The following EXT1 variants were observed in gnomAD, a reference collection of about 807,000 sequenced individuals.
EXT1 encodes exostosin-1.
In EXT1, 20 loss-of-function variants were observed where a neutral mutation model predicts 82.5. That is an observed-to-expected ratio of 0.24 (90% CI 0.17 to 0.35). The LOEUF is 0.35. Ranked by LOEUF, EXT1 falls within the 10% of genes least tolerant of loss-of-function variation. EXT1 has a pLI of 1.00. For synonymous variants in EXT1, 348 were observed against 350.8 expected (o/e 0.99, Z 0.09); for missense variants, 757 against 936.5 (o/e 0.81, Z 2.50).
At chr8:117,801,492 AG>A (rs1254015571) in intron 10 of EXT1, among the ~76,000 whole-genome samples, 2 of 151,928 alleles carry the variant, frequency 1.3e-5, no homozygotes, top group Non-Finnish European at 2.9e-5. Context: ...AATGGATATG[AG>A]TTTGTGGGCC....
At chr8:118,108,906 C>T (rs945031175) in intron 1 of EXT1, among the ~76,000 whole-genome samples, 4 of 152,186 alleles carry the variant, frequency 2.6e-5, no homozygotes, top group Non-Finnish European at 4.4e-5. Flanking sequence ...GCCAGTTCCT[C>T]TTGTACTCAG....
At chr8:117,864,209 A>C (rs914260870) in intron 1 of EXT1, among the ~76,000 whole-genome samples, 6 of 152,240 alleles carry the variant, frequency 3.9e-5, no homozygotes, top group African/African-American at 1.4e-4. Flanking sequence ...ATTTTTAAAA[A>C]GACTTCATTC....
At chr8:118,098,976 A>C (rs1456982898) in intron 1 of EXT1, among the ~76,000 whole-genome samples, 1 of 150,414 alleles carries the variant, frequency 6.6e-6, no homozygotes, top group Non-Finnish European at 1.5e-5. Flanking sequence ...TTTCAAATGG[A>C]GATCTTACTC....
chr8:117,919,119 A>G (rs1813808058), intron 1 of EXT1, among the ~76,000 whole-genome samples: 1 of 152,214 alleles, frequency 6.6e-6, no homozygotes, highest in South Asian at 2.1e-4. Flanking sequence ...TTACAGAAAA[A>G]TAGCAAAATA....
At chr8:117,822,425 A>G (rs1458963794) in intron 5 of EXT1, 40 bp downstream of exon 5, 1 of 1,608,968 alleles carries the variant, frequency 6.2e-7, no homozygotes, top group African/African-American at 1.3e-5. Flanking sequence ...TGACATCTTC[A>G]GGGTAAACAA....
At chr8:117,910,823 C>A (rs1813633508) in intron 1 of EXT1, among the ~76,000 whole-genome samples, 1 of 152,214 alleles carries the variant, frequency 6.6e-6, no homozygotes, top group South Asian at 2.1e-4. Context: ...TGATCCTGAA[C>A]TGGAGAAACA....
intron 1 of EXT1, among the ~76,000 whole-genome samples, chr8:118,023,778 A>G (rs1055803864): frequency 6.6e-6 from 1 of 152,278 alleles, no homozygotes; most frequent in African/African-American, 2.4e-5. Flanking sequence ...AACAGCAGGT[A>G]ATACATATCC....
chr8:117,998,618 G>A (rs17431208), intron 1 of EXT1, among the ~76,000 whole-genome samples: 1 of 152,174 alleles, frequency 6.6e-6, no homozygotes, highest in African/African-American at 2.4e-5. Context: ...GGAGGAATTT[G>A]CCTCTTTTGG....
intron 1 of EXT1, among the ~76,000 whole-genome samples, chr8:118,049,670 T>C (rs1024180676): frequency 6.6e-6 from 1 of 152,240 alleles, no homozygotes; most frequent in African/African-American, 2.4e-5. Context: ...CTGTTTGCTG[T>C]TCTTGCTAAG....
intron 1 of EXT1, among the ~76,000 whole-genome samples, chr8:118,024,002 T>G (rs1382767470): frequency 6.6e-6 from 1 of 152,244 alleles, no homozygotes; most frequent in African/African-American, 2.4e-5. Flanking sequence ...TTCAGAGGAC[T>G]GTAAGTCTAG....
intron 1 of EXT1, among the ~76,000 whole-genome samples, chr8:117,872,490 A>C (rs897386037): frequency 6.0e-5 from 9 of 148,868 alleles, no homozygotes; most frequent in African/African-American, 2.2e-4. Context: ...GAATAACACT[A>C]TCAAATGTTA....
At chr8:118,089,113 C>A (rs932698998) in intron 1 of EXT1, among the ~76,000 whole-genome samples, 4 of 151,982 alleles carry the variant, frequency 2.6e-5, no homozygotes, top group African/African-American at 9.7e-5. Flanking sequence ...GAAAAAAAGG[C>A]CTTAATATCA....
chr8:117,813,501 G>A (rs1823368056), intron 7 of EXT1, among the ~76,000 whole-genome samples: 1 of 150,010 alleles, frequency 6.7e-6, no homozygotes, highest in Non-Finnish European at 1.5e-5. Context: ...GTGAATGGAT[G>A]GAGAAGTGAT....
At chr8:118,101,938 T>C (rs1330552972) in intron 1 of EXT1, among the ~76,000 whole-genome samples, 1 of 150,388 alleles carries the variant, frequency 6.6e-6, no homozygotes, top group East Asian at 1.9e-4. Context: ...CATTACAGAC[T>C]ATTTCTAATG....
At chr8:118,061,233 T>A (rs1166663284) in intron 1 of EXT1, among the ~76,000 whole-genome samples, 1 of 152,180 alleles carries the variant, frequency 6.6e-6, no homozygotes, top group Non-Finnish European at 1.5e-5. Flanking sequence ...AAGGCTGAAA[T>A]TACTGTTATC....
chr8:118,073,632 A>AGAGAAG lies in EXT1; in HGVS notation c.962+36452_962+36453insCTTCTC, dbSNP rs201535579. 3.4e-5 allele frequency among the ~76,000 whole-genome samples: 3 copies of AGAGAAG among 89,478 alleles called. 1 individual carries two copies. Among genetic ancestry groups the AGAGAAG allele is most frequent in the African/African-American group, 1.1e-4 (2 of 18,966 alleles). The allele number at this position is 89,478 out of a possible 152,430, so 58.7% of individuals were successfully genotyped here. On this transcript the variant is annotated intron_variant, in intron 1 of 10. Coordinates refer to ENST00000378204, the MANE Select transcript of EXT1 (RefSeq NM_000127.3). Reference sequence around the variant, plus strand: ...GAGGAAAGGAAGAGAAGAGAAGAGAAAGAAGAGAAGAGAAGAGAAGAGAAG... The same window carrying AGAGAAG: ...GAGGAAAGGAAGAGAAGAGAAGAGAAGAGAAGAGAAGAGAAGAGAAGAGAAGAGAAG...
At chr8:117,874,929 A>G (rs970647976) in intron 1 of EXT1, among the ~76,000 whole-genome samples, 8 of 152,214 alleles carry the variant, frequency 5.3e-5, no homozygotes, top group Admixed American at 3.9e-4. Context: ...TTAGCCAGAT[A>G]GTCTCCTTTC....
At chr8:118,021,743 T>C (rs1051522732) in intron 1 of EXT1, among the ~76,000 whole-genome samples, 3 of 152,214 alleles carry the variant, frequency 2.0e-5, no homozygotes, top group Non-Finnish European at 4.4e-5. Flanking sequence ...AAATTTTTCT[T>C]GAACACACAT....
intron 1 of EXT1, among the ~76,000 whole-genome samples, chr8:117,855,405 T>C (rs1812524535): frequency 2.6e-5 from 4 of 152,196 alleles, no homozygotes. Flanking sequence ...TTTATTGTTA[T>C]TGTATGTTAG....
Sources: allele counts gnomAD v4.1 joint callset (sites outside exome capture counted in the v4.1 genomes callset), GRCh38; gene constraint gnomAD v4.1.1; transcripts MANE v1.5; gene names NCBI Gene and HGNC (gene_info 2026-07-23, HGNC 2026-07-21).